The following SERINC5 variants were observed in gnomAD, a reference collection of about 807,000 sequenced individuals.
SERINC5 encodes chromosome 5 open reading frame 12.
In SERINC5, 41 loss-of-function variants were observed where a neutral mutation model predicts 63.1. The observed-to-expected ratio is 0.65, with a 90% CI of 0.51 to 0.84. The LOEUF is 0.84. SERINC5 is among the 40% of genes least tolerant of loss of function. The pLI, the probability that SERINC5 is intolerant of heterozygous loss-of-function variation, is 0.00. For missense variants in SERINC5, 523 were observed against 573.0 expected, an observed-to-expected ratio of 0.91 and a Z score of 0.89; for synonymous variants, 222 against 215.2, an observed-to-expected ratio of 1.03 and a Z score of -0.28.
At chr5:80,186,172 T>C (rs1339709323) in intron 2 of SERINC5, among the ~76,000 whole-genome samples, 2 of 147,864 alleles carry the variant, frequency 1.4e-5, no homozygotes, top group Middle Eastern at 3.6e-3. Flanking sequence ...GTTTCACTCT[T>C]GTCGCCCAGG....
rs1745577992 is a variant in SERINC5, at chr5:80,142,620, CTG to C, written c.*1041_*1042del. 7 of 985,432 alleles carry C rather than the reference CTG, an allele frequency of 7.1e-6. No individual in the cohort carries two copies. The South Asian group carries it at 2.8e-4, about 40-fold the overall frequency. 61.0% of individuals were successfully genotyped at this position (985,432 alleles called of 1,614,324 possible). On this transcript the variant is annotated 3_prime_UTR_variant, in exon 12 of 12. Transcript: ENST00000507668. ...CTACTCCAAGGATGCCAGCATGAAC[CTG>C]AACGGTATGGTCACGTTACAGATCC...
At chr5:80,190,542 C>G (rs983877739) in intron 2 of SERINC5, among the ~76,000 whole-genome samples, 2 of 152,174 alleles carry the variant, frequency 1.3e-5, no homozygotes, top group African/African-American at 4.8e-5. Context: ...GCAGGTATTG[C>G]TCTAAACTAG....
At chr5:80,200,147 G>A (rs778222440) in intron 2 of SERINC5, among the ~76,000 whole-genome samples, 7 of 130,578 alleles carry the variant, frequency 5.4e-5, no homozygotes, top group Non-Finnish European at 1.0e-4. Context: ...AACAGAGCGA[G>A]ACTCGTAATT....
chr5:80,123,252 T>C (rs968903943), intron 11 of SERINC5, among the ~76,000 whole-genome samples: 1 of 152,110 alleles, frequency 6.6e-6, no homozygotes, highest in Admixed American at 6.5e-5. Flanking sequence ...CATGCCACCA[T>C]ACTTGGCTGA....
intron 1 of SERINC5, among the ~76,000 whole-genome samples, chr5:80,251,533 C>T (rs979103760): frequency 7.9e-5 from 12 of 151,908 alleles, no homozygotes; most frequent in African/African-American, 2.7e-4. Flanking sequence ...AGTTCGAGAC[C>T]AGCCTGGCCA....
chr5:80,202,793 G>A lies in SERINC5; in HGVS notation c.195+93C>T, dbSNP rs1256121637. On this transcript the variant is annotated intron_variant, in intron 2 of 11. Transcript: ENST00000507668. ...AACCAGGTATACCCCAAAACACATG[G>A]GGGTACATGGACCCCATCTTCTAAA... 13 of 1,282,040 alleles carry A rather than the reference G, an allele frequency of 1.0e-5. No individual in the cohort carries two copies. The East Asian group carries it at 2.7e-4, about 27-fold the overall frequency. The allele number at this position is 1,282,040 out of a possible 1,614,324, so 79.4% of individuals were successfully genotyped here.
chr5:80,177,539 G>A (rs866796408), intron 3 of SERINC5, 142 bp from the exon 4 acceptor site: 16 of 695,570 alleles, frequency 2.3e-5, no homozygotes, highest in African/African-American at 9.0e-5. Flanking sequence ...AAGTAACTAG[G>A]TGACTTGAAG....
At chr5:80,116,986 GC>G (rs960639972) in intron 11 of SERINC5, among the ~76,000 whole-genome samples, 3 of 151,890 alleles carry the variant, frequency 2.0e-5, no homozygotes, top group African/African-American at 7.3e-5. Flanking sequence ...GTGCCACCAG[GC>G]CCATCTAATT....
At chr5:80,178,422 G>A (rs1033764423) in intron 2 of SERINC5, among the ~76,000 whole-genome samples, 1 of 143,232 alleles carries the variant, frequency 7.0e-6, no homozygotes, top group African/African-American at 2.6e-5. Context: ...GAGTTTAGTG[G>A]CACAATCACA....
chr5:80,148,076 G>A (rs1359529846), intron 9 of SERINC5, among the ~76,000 whole-genome samples: 1 of 152,072 alleles, frequency 6.6e-6, no homozygotes, highest in African/African-American at 2.4e-5. Flanking sequence ...AAGGAATCTG[G>A]AAGCAGCCTA....
intron 2 of SERINC5, among the ~76,000 whole-genome samples, chr5:80,190,389 G>A (rs1281979029): frequency 6.6e-6 from 1 of 152,150 alleles, no homozygotes; most frequent in Admixed American, 6.5e-5. Context: ...TGGGATTACA[G>A]ACATGAGCAT....
At chr5:80,136,233 C>T (rs1235959812), downstream of SERINC5, among the ~76,000 whole-genome samples, 4 of 151,840 alleles carry the variant, frequency 2.6e-5, no homozygotes, top group East Asian at 3.9e-4. Flanking sequence ...CAGTGAGCTA[C>T]GATCACACCA....
intron 2 of SERINC5, among the ~76,000 whole-genome samples, chr5:80,187,578 T>G (rs566935054): frequency 1.3e-4 from 20 of 152,214 alleles, no homozygotes; most frequent in Non-Finnish European, 2.1e-4. Context: ...TCTCAGTAAG[T>G]GATTGCCTTT....
Position 80,169,334 on chromosome 5 carries a change from C to A in SERINC5, c.763+1G>T. The A allele has an allele frequency of 6.2e-7, 1 of 1,612,512 alleles. No homozygotes were observed. Among genetic ancestry groups the A allele is most frequent in the Admixed American group, 1.7e-5 (1 of 59,924 alleles). The stretch of plus-strand genomic sequence containing the variant: ...CGAAGAATGGAAAAAAACATGCTTA[C>A]GATTTTGGACCCAGGGTGAGATGGC... On this transcript the variant is annotated splice_donor_variant, in intron 6 of 11. Transcript: ENST00000507668. LOFTEE classifies it high-confidence loss of function.
chr5:80,202,248 GAAGA>G (rs1749885532), intron 2 of SERINC5, among the ~76,000 whole-genome samples: 1 of 152,066 alleles, frequency 6.6e-6, no homozygotes, highest in Admixed American at 6.6e-5. Context: ...CGAAAAAAAA[GAAGA>G]AAGAAATCCT....
intron 10 of SERINC5, among the ~76,000 whole-genome samples, chr5:80,146,467 T>A (rs890798087): frequency 6.6e-6 from 1 of 152,202 alleles, no homozygotes; most frequent in East Asian, 1.9e-4. Flanking sequence ...TTATTTATTT[T>A]TTGAGATGGA....
intron 1 of SERINC5, among the ~76,000 whole-genome samples, chr5:80,251,325 TACA>T (rs1752408455): frequency 2.7e-5 from 4 of 150,372 alleles, no homozygotes; most frequent in Non-Finnish European, 4.4e-5. Flanking sequence ...CATACATACA[TACA>T]TACATACATG....
chr5:80,187,284 T>C (rs1441021299), intron 2 of SERINC5, among the ~76,000 whole-genome samples: 1 of 152,234 alleles, frequency 6.6e-6, no homozygotes, highest in Non-Finnish European at 1.5e-5. Context: ...TAAATTAGGT[T>C]CACAAAAACT....
In SERINC5 at chr5:80,142,882, A is replaced by G. The variant is rs4703803; in HGVS notation, c.*781T>C. 3 of 985,186 alleles carry G rather than the reference A, an allele frequency of 3.0e-6. No homozygotes were observed. Among genetic ancestry groups the G allele is most frequent in the Non-Finnish European group, 3.6e-6 (3 of 829,890 alleles). 61.0% of individuals were successfully genotyped at this position (985,186 alleles called of 1,614,324 possible). On this transcript the variant is annotated 3_prime_UTR_variant, in exon 12 of 12. Transcript: ENST00000507668. ...TGAATCTTGTTCTATAATCATGTGA[A>G]TAACACCATAAATAAGCGCCGTACT...
Sources: gnomAD v4.1 joint callset for allele counts (sites outside exome capture counted in the v4.1 genomes callset) on GRCh38, gnomAD v4.1.1 for gene constraint, MANE v1.5 for transcripts, NCBI Gene and HGNC (gene_info 2026-07-23, HGNC 2026-07-21) for gene names.